The following MEGF10 variants were observed in gnomAD, a reference collection of about 807,000 sequenced individuals.
The protein encoded by MEGF10 is multiple EGF like domains 10.
In MEGF10, 86 loss-of-function variants were observed where a neutral mutation model predicts 147.5. The observed-to-expected ratio is 0.58, with a 90% CI of 0.49 to 0.70. MEGF10 has a LOEUF of 0.70. Among genes scored for constraint, MEGF10 ranks in the 30% least tolerant of loss-of-function variants. The pLI is 0.00. For synonymous variants in MEGF10, 478 were observed against 525.5 expected (o/e 0.91, Z 1.24); for missense variants, 1,329 against 1,487.3 (o/e 0.89, Z 1.75).
chr5:127,274,704 G>T, the MEGF10 span, among the ~76,000 whole-genome samples: 69 of 152,056 alleles, frequency 4.5e-4, no homozygotes, highest in African/African-American at 1.7e-3. Context: ...TAATTACTGA[G>T]ATTGTCTTCA....
At chr5:127,443,477 C>CA (rs74701330) in intron 19 of MEGF10, among the ~76,000 whole-genome samples, 2,097 of 152,076 alleles carry the variant, frequency 0.014, 29 homozygotes, top group East Asian at 0.049. Flanking sequence ...ACAAAAAACA[C>CA]ACCTATTTAA....
Position 127,394,031 on chromosome 5 carries a change from C to A in MEGF10, c.413-2501C>A, listed in dbSNP as rs183652473. Among the ~76,000 whole-genome samples the A allele has an allele frequency of 4.6e-5, 7 of 152,182 alleles. No individual in the cohort carries two copies. In the East Asian group the frequency reaches 1.4e-3, roughly 29 times the overall value. On this transcript the variant is annotated intron_variant, in intron 5 of 24. Transcript: ENST00000503335. Reference sequence around the variant, plus strand: ...TGTATGTGCTTGGGGCCACCCTGACCACAGTGTCACATGGGGGAAAATTCT... The same window carrying A: ...TGTATGTGCTTGGGGCCACCCTGACAACAGTGTCACATGGGGGAAAATTCT...
intron 3 of MEGF10, among the ~76,000 whole-genome samples, chr5:127,339,582 C>A (rs1472146457): frequency 1.3e-5 from 2 of 152,080 alleles, no homozygotes; most frequent in African/African-American, 2.4e-5. Flanking sequence ...ACATCTGACT[C>A]AATTTAGGCT....
At chr5:127,419,989 C>G in intron 11 of MEGF10, 55 bp from the exon 12 acceptor site, 2 of 1,587,244 alleles carry the variant, frequency 1.3e-6, no homozygotes, top group African/African-American at 1.3e-5. Flanking sequence ...AAAGGCTCAA[C>G]AAGGCTCTCT....
chr5:127,377,897 T>C (rs796728845), intron 5 of MEGF10, among the ~76,000 whole-genome samples: 7 of 152,244 alleles, frequency 4.6e-5, no homozygotes, highest in African/African-American at 1.7e-4. Context: ...AGTAGATCAG[T>C]TGGGTTCACT....
chr5:127,441,195 G>A (rs1002046862), intron 18 of MEGF10, among the ~76,000 whole-genome samples: 2 of 152,214 alleles, frequency 1.3e-5, no homozygotes, highest in Non-Finnish European at 1.5e-5. Context: ...ATCCAGTCGA[G>A]CTTTCTTCAT....
At chr5:127,426,239 C>T (rs889831393) in intron 13 of MEGF10, among the ~76,000 whole-genome samples, 5 of 152,252 alleles carry the variant, frequency 3.3e-5, no homozygotes, top group African/African-American at 1.2e-4. Flanking sequence ...TAGCATTTGA[C>T]TGTTCTCTCA....
the MEGF10 span, among the ~76,000 whole-genome samples, chr5:127,271,582 C>T: frequency 6.6e-6 from 1 of 151,886 alleles, no homozygotes; most frequent in Non-Finnish European, 1.5e-5. Flanking sequence ...TCCCATAATC[C>T]CCATGTGTCA....
At chr5:127,299,534 T>A (rs1334207659) in intron 1 of MEGF10, among the ~76,000 whole-genome samples, 1 of 152,220 alleles carries the variant, frequency 6.6e-6, no homozygotes, top group African/African-American at 2.4e-5. Flanking sequence ...TTGCTTACAT[T>A]CTTTGTGTCA....
chr5:127,385,005 A>G (rs915935908), intron 5 of MEGF10, among the ~76,000 whole-genome samples: 4 of 152,224 alleles, frequency 2.6e-5, no homozygotes, highest in Admixed American at 1.3e-4. Context: ...TTAAGAAGAA[A>G]GGGTGTATGT....
intron 1 of MEGF10, among the ~76,000 whole-genome samples, chr5:127,301,444 G>A (rs1192409464): frequency 6.6e-6 from 1 of 152,056 alleles, no homozygotes; most frequent in Non-Finnish European, 1.5e-5. Flanking sequence ...AATGGGTGCA[G>A]CACATCTATG....
chr5:127,275,143 T>A, the MEGF10 span, among the ~76,000 whole-genome samples: 1 of 152,238 alleles, frequency 6.6e-6, no homozygotes, highest in African/African-American at 2.4e-5. Flanking sequence ...TAGACAGTAC[T>A]AACATATCTG....
chr5:127,410,602 G>GT lies in MEGF10; in HGVS notation c.1130+2dup. 6.3e-7 allele frequency: 1 copy of GT among 1,594,976 alleles called. No homozygotes were observed. The highest frequency in any genetic ancestry group is 1.3e-5 in the African/African-American group (1 of 74,812). On this transcript the variant is annotated splice_donor_variant, in intron 9 of 24. Transcript: ENST00000503335. LOFTEE classifies it high-confidence loss of function. ...CCTGCCACCTGGAAAACACTCATAG[G>GT]TGAGTGTCAGCTTCCCCTGGAAGGA...
At chr5:127,299,019 C>T (rs1394787685) in intron 1 of MEGF10, among the ~76,000 whole-genome samples, 4 of 152,180 alleles carry the variant, frequency 2.6e-5, no homozygotes, top group African/African-American at 9.7e-5. Flanking sequence ...CATTAATCCT[C>T]TGGTTTTGGA....
At chr5:127,275,775 A>G in the MEGF10 span, among the ~76,000 whole-genome samples, 1 of 152,226 alleles carries the variant, frequency 6.6e-6, no homozygotes, top group Non-Finnish European at 1.5e-5. Context: ...TTTCCTACAT[A>G]TTTGAATGTT....
At chr5:127,327,518 A>G (rs1310668009) in intron 1 of MEGF10, among the ~76,000 whole-genome samples, 1 of 152,172 alleles carries the variant, frequency 6.6e-6, no homozygotes, top group Non-Finnish European at 1.5e-5. Flanking sequence ...GTGGAAAATT[A>G]TAAGACAGGA....
the MEGF10 span, among the ~76,000 whole-genome samples, chr5:127,239,051 T>C: frequency 1.8e-4 from 28 of 152,038 alleles, no homozygotes; most frequent in Admixed American, 9.8e-4. Context: ...TAATCATGAG[T>C]AAACAATCAG....
Position 127,460,669 on chromosome 5 carries a change from A to G in MEGF10, c.*3351A>G, listed in dbSNP as rs543498029. On this transcript the variant is annotated 3_prime_UTR_variant, in exon 25 of 25. Coordinates refer to ENST00000503335, the MANE Select transcript of MEGF10 (RefSeq NM_001256545.2). ...AAAAGTTAAACAAGGGTACCACAAT[A>G]TCATTTATAATTGATGTCAATATTA... is the stretch of plus-strand genomic sequence containing the variant. 6.6e-6 allele frequency: 1 copy of G among 152,326 alleles called. No homozygotes were observed. The highest frequency in any genetic ancestry group is 1.5e-5 in the Non-Finnish European group (1 of 68,020). The allele number at this position is 152,326 out of a possible 1,614,324, so 9.4% of individuals were successfully genotyped here. A position where few individuals can be genotyped will look rare whatever the true frequency, so the allele number is the denominator to read the frequency against.
chr5:127,307,870 T>C (rs763326128), intron 1 of MEGF10, among the ~76,000 whole-genome samples: 1 of 152,202 alleles, frequency 6.6e-6, no homozygotes, highest in Non-Finnish European at 1.5e-5. Context: ...GGTTCAGGAG[T>C]GTGGTGTGTA....
Sources: gnomAD v4.1 joint callset for allele counts (sites outside exome capture counted in the v4.1 genomes callset) on GRCh38, gnomAD v4.1.1 for gene constraint, MANE v1.5 for transcripts, NCBI Gene and HGNC (gene_info 2026-07-23, HGNC 2026-07-21) for gene names.